TNNI3K: variants seen among roughly 807,000 people sequenced by gnomAD.
The protein encoded by TNNI3K is serine/threonine-protein kinase TNNI3K.
In TNNI3K, 140 loss-of-function variants were observed where a neutral mutation model predicts 114.5. The observed-to-expected ratio is 1.22, with a 90% CI of 1.07 to 1.41. TNNI3K has a LOEUF of 1.41. Among genes scored for constraint, TNNI3K ranks in the 40% most tolerant of loss-of-function variants. TNNI3K has a pLI of 0.00. For missense variants in TNNI3K, 1,125 were observed against 1,007.6 expected (o/e 1.12, Z -1.58); for synonymous variants, 347 against 347.5 (o/e 1.00, Z 0.02).
rs1570652921 is a variant in TNNI3K at position 74,463,822 on chromosome 1, G to A, written c.2121+272G>A. Reference sequence around the variant, plus strand: ...GATGACTCACAGTCTCATCTCAGCTGCAATTTTTATTAACTACGCGTGAGC... The same window carrying A: ...GATGACTCACAGTCTCATCTCAGCTACAATTTTTATTAACTACGCGTGAGC... On this transcript the variant is annotated intron_variant, in intron 21 of 24. Transcript: ENST00000326637. Among the ~76,000 whole-genome samples, 3 of 152,180 alleles carry A rather than the reference G, an allele frequency of 2.0e-5. No homozygotes were observed. The South Asian group carries it at 6.2e-4, about 31-fold the overall frequency.
rs1336275860 is a variant in TNNI3K at position 74,369,438 on chromosome 1, G to C, written c.1520G>C (p.Cys507Ser). 6.2e-7 allele frequency: 1 copy of C among 1,612,188 alleles called. No homozygotes were observed. The highest frequency in any genetic ancestry group is 1.3e-5 in the African/African-American group (1 of 74,734). ...TCCAAGTCAGATGTGGATATGTTTTGCCGAGAGGTGTCCATTCTCTGCCAG... is the reference window on the plus strand; with the variant it reads ...TCCAAGTCAGATGTGGATATGTTTTCCCGAGAGGTGTCCATTCTCTGCCAG... ...YCSKSDVDMF[C>S]REVSILCQLN... is the part of the protein sequence containing the mutation. The change falls in exon 16 of 25, where the codon TGC becomes TCC. Residue 507 changes from cysteine to serine, a missense_variant. Transcript: ENST00000326637.
rs1300661514 is a variant in TNNI3K, at chr1:74,542,682, ATG to A, written c.2432-1222_2432-1221del. Among the ~76,000 whole-genome samples the A allele has an allele frequency of 5.9e-5, 9 of 152,242 alleles. No homozygotes were observed. In the East Asian group the frequency reaches 1.7e-3, roughly 29 times the overall value. On this transcript the variant is annotated intron_variant, in intron 24 of 24. Transcript: ENST00000326637. The stretch of plus-strand genomic sequence containing the variant: ...TTTCGATCCAACTGCATACTGCTAG[ATG>A]TCTTAATGAAAATGTAGATGACTGG...
chr1:74,247,430 T>C (rs889252725), intron 2 of TNNI3K, among the ~76,000 whole-genome samples: 30 of 152,142 alleles, frequency 2.0e-4, no homozygotes, highest in Non-Finnish European at 1.6e-4. Flanking sequence ...CAGCAAGATT[T>C]ATTGCAAAAA....
chr1:74,542,661 G>A (rs917368141), intron 24 of TNNI3K, among the ~76,000 whole-genome samples: 5 of 152,138 alleles, frequency 3.3e-5, no homozygotes, highest in Non-Finnish European at 5.9e-5. Flanking sequence ...TAAATATTTC[G>A]ATCCAACTGC....
chr1:74,509,825 T>G (rs1465386247), intron 23 of TNNI3K, among the ~76,000 whole-genome samples: 2 of 129,056 alleles, frequency 1.5e-5, no homozygotes, highest in African/African-American at 5.7e-5. Flanking sequence ...CGATTATGGC[T>G]CACTGCAGCC....
At chr1:74,265,044 G>A (rs558688702) in intron 4 of TNNI3K, among the ~76,000 whole-genome samples, 93 of 151,920 alleles carry the variant, frequency 6.1e-4, no homozygotes, top group Non-Finnish European at 1.1e-3. Flanking sequence ...GGTGGGGAGG[G>A]AGAAATAACA....
chr1:74,489,451 G>A (rs573386646), intron 22 of TNNI3K, among the ~76,000 whole-genome samples: 1 of 152,228 alleles, frequency 6.6e-6, no homozygotes, highest in East Asian at 1.9e-4. Context: ...GAGTGAATTC[G>A]AGACCTTCCA....
Position 74,415,747 on chromosome 1 carries a change from T to C in TNNI3K, c.1773-20333T>C, listed in dbSNP as rs564909046. On this transcript the variant is annotated intron_variant, in intron 17 of 24. Coordinates refer to ENST00000326637, the MANE Select transcript of TNNI3K (RefSeq NM_015978.3). ...GACTAAATTTTCTTTGTTTTTTTTT[T>C]CCCCAGTGATTTGAACAATATATAT... Among the ~76,000 whole-genome samples, 974 of 151,594 alleles carry C rather than the reference T, an allele frequency of 6.4e-3. 11 individuals are homozygous for C. Among genetic ancestry groups the C allele is most frequent in the African/African-American group, 0.021 (866 of 41,178 alleles).
intron 23 of TNNI3K, among the ~76,000 whole-genome samples, chr1:74,525,027 A>T (rs1646485256): frequency 6.6e-6 from 1 of 152,342 alleles, no homozygotes; most frequent in Middle Eastern, 3.4e-3. Flanking sequence ...AGCATGGGCT[A>T]TGAGCTGGAC....
chr1:74,253,437 G>T (rs1233655932), intron 4 of TNNI3K, among the ~76,000 whole-genome samples: 8 of 152,126 alleles, frequency 5.3e-5, no homozygotes, highest in Non-Finnish European at 7.4e-5. Flanking sequence ...ATGGCAGGGG[G>T]TCGGGGGGAA....
At chr1:74,465,946 T>C (rs1469408227) in intron 21 of TNNI3K, among the ~76,000 whole-genome samples, 2 of 152,196 alleles carry the variant, frequency 1.3e-5, no homozygotes, top group Non-Finnish European at 2.9e-5. Context: ...TAAGCCACTC[T>C]GGTCATCTTC....
intron 21 of TNNI3K, among the ~76,000 whole-genome samples, chr1:74,466,295 C>A (rs1211181556): frequency 1.3e-5 from 2 of 152,034 alleles, no homozygotes; most frequent in Non-Finnish European, 2.9e-5. Flanking sequence ...ATCCCTTTTT[C>A]TTTGATGAAG....
At chr1:74,385,476 G>A (rs1336852188) in intron 17 of TNNI3K, among the ~76,000 whole-genome samples, 1 of 152,130 alleles carries the variant, frequency 6.6e-6, no homozygotes, top group Admixed American at 6.6e-5. Context: ...ATGTGAATTG[G>A]CACCTTTCCA....
chr1:74,378,412 AGTT>A (rs1663014768), intron 17 of TNNI3K, among the ~76,000 whole-genome samples: 2 of 151,400 alleles, frequency 1.3e-5, no homozygotes, highest in East Asian at 3.9e-4. Flanking sequence ...TGGATGAACA[AGTT>A]GTTGAGGCGG....
chr1:74,301,173 C>T lies in TNNI3K; in HGVS notation c.444+29465C>T, dbSNP rs572221327. Reference sequence around the variant, plus strand: ...CCAGCACTTTGGGAGGCTGAGACGGCGGGATCACCTGAGGTCAGGAGTTTG... The same window carrying T: ...CCAGCACTTTGGGAGGCTGAGACGGTGGGATCACCTGAGGTCAGGAGTTTG... On this transcript the variant is annotated intron_variant, in intron 5 of 24. Coordinates refer to ENST00000326637, the MANE Select transcript of TNNI3K (RefSeq NM_015978.3). Among the ~76,000 whole-genome samples, 23 of 152,032 alleles carry T rather than the reference C, an allele frequency of 1.5e-4. No individual in the cohort carries two copies. The South Asian group carries it at 2.3e-3, about 15-fold the overall frequency.
chr1:74,432,443 T>C (rs1394094740), intron 17 of TNNI3K, among the ~76,000 whole-genome samples: 1 of 152,110 alleles, frequency 6.6e-6, no homozygotes, highest in Non-Finnish European at 1.5e-5. Context: ...GTCACCCTTC[T>C]ATTTCTCTCT....
intron 10 of TNNI3K, 117 bp from the exon 11 acceptor site, chr1:74,353,863 A>G: frequency 1.5e-6 from 2 of 1,378,882 alleles, no homozygotes; most frequent in Non-Finnish European, 1.9e-6. Context: ...AAAGAAATCA[A>G]TCCTTACTTC....
At position 74,437,852 on chromosome 1, in the gene TNNI3K, C is replaced by A. The variant is rs898145347; in HGVS notation, c.1878+1326C>A. Reference sequence around the variant, plus strand: ...TCCCCAGAAATTATGATTTTATTGGCCTAAGACTGATCTTGAGTTCCTGCA... The same window carrying A: ...TCCCCAGAAATTATGATTTTATTGGACTAAGACTGATCTTGAGTTCCTGCA... On this transcript the variant is annotated intron_variant, in intron 19 of 24. Transcript: ENST00000326637. Among the ~76,000 whole-genome samples, 4 of 151,664 alleles carry A rather than the reference C, an allele frequency of 2.6e-5. No individual in the cohort carries two copies. The South Asian group carries it at 8.4e-4, about 32-fold the overall frequency.
chr1:74,471,962 GATC>G, intron 21 of TNNI3K: 1 of 615,950 alleles, frequency 1.6e-6, no homozygotes, highest in Non-Finnish European at 2.9e-6. Flanking sequence ...AGTCCACAAG[GATC>G]ATCATATTTT....
Sources: gnomAD v4.1 joint callset for allele counts (sites outside exome capture counted in the v4.1 genomes callset) on GRCh38, gnomAD v4.1.1 for gene constraint, MANE v1.5 for transcripts, NCBI Gene and HGNC (gene_info 2026-07-23, HGNC 2026-07-21) for gene names.